Variants in WWOX observed in about 807,000 individuals in gnomAD.
The protein encoded by WWOX is WW domain containing oxidoreductase, also known as WW domain-containing oxidoreductase.
WWOX carries 69 observed loss-of-function variants against 46.2 expected under a neutral mutation model. The observed-to-expected ratio is 1.49, with a 90% CI of 1.23 to 1.82. The LOEUF (loss-of-function observed/expected upper bound fraction) is 1.82. WWOX is among the 40% of genes most tolerant of loss of function. The pLI is 0.00. For synonymous variants in WWOX, 359 were observed against 202.6 expected (o/e 1.77, Z -6.56); for missense variants, 919 against 542.6 (o/e 1.69, Z -6.89).
intron 8 of WWOX, among the ~76,000 whole-genome samples, chr16:78,798,610 G>A (rs1375569461): frequency 7.2e-6 from 1 of 139,772 alleles, no homozygotes; most frequent in Non-Finnish European, 1.5e-5. Context: ...TTTTTTTTAA[G>A]AGATTTACAG....
intron 8 of WWOX, among the ~76,000 whole-genome samples, chr16:78,745,522 C>CTTTTTTTTTTTTTT (rs5818168): frequency 1.5e-3 from 139 of 92,724 alleles, no homozygotes; most frequent in African/African-American, 3.1e-3. Flanking sequence ...TGTGGAAATC[C>CTTTTTTTTTTTTTT]TTTTTTTTTT....
At chr16:78,807,137 G>A (rs1032801933) in intron 8 of WWOX, among the ~76,000 whole-genome samples, 1 of 152,284 alleles carries the variant, frequency 6.6e-6, no homozygotes, top group South Asian at 2.1e-4. Flanking sequence ...TATTGAATTG[G>A]AATCTGCACA....
At chr16:78,570,951 A>G (rs2044701437) in intron 8 of WWOX, among the ~76,000 whole-genome samples, 1 of 152,166 alleles carries the variant, frequency 6.6e-6, no homozygotes, top group African/African-American at 2.4e-5. Context: ...GAAGGAACAG[A>G]AAGTGAAACG....
At chr16:79,188,811 C>T (rs1030351243) in intron 8 of WWOX, among the ~76,000 whole-genome samples, 1 of 152,178 alleles carries the variant, frequency 6.6e-6, no homozygotes, top group Non-Finnish European at 1.5e-5. Flanking sequence ...GTTTGCTTTT[C>T]CTGGGGCTGC....
chr16:78,592,612 G>A (rs1289579785), intron 8 of WWOX, among the ~76,000 whole-genome samples: 1 of 152,188 alleles, frequency 6.6e-6, no homozygotes, highest in Non-Finnish European at 1.5e-5. Context: ...TAGAGCCAGA[G>A]CTGGAAGACA....
At chr16:78,732,284 C>G (rs1186582362) in intron 8 of WWOX, among the ~76,000 whole-genome samples, 3 of 152,142 alleles carry the variant, frequency 2.0e-5, no homozygotes, top group South Asian at 4.1e-4. Flanking sequence ...GGTTGTGTCT[C>G]TCACTCATGG....
intron 8 of WWOX, among the ~76,000 whole-genome samples, chr16:78,469,151 G>T (rs78663202): frequency 0.019 from 2,856 of 152,274 alleles, 86 homozygotes; most frequent in African/African-American, 0.066. Flanking sequence ...GTTTGAAGTT[G>T]CAAGAAGTCA....
At chr16:78,699,910 C>T (rs2048176727) in intron 8 of WWOX, among the ~76,000 whole-genome samples, 1 of 152,142 alleles carries the variant, frequency 6.6e-6, no homozygotes, top group South Asian at 2.1e-4. Flanking sequence ...TGTCCCGTCC[C>T]TATGAGGGGG....
At chr16:78,868,684 G>A in intron 8 of WWOX, among the ~76,000 whole-genome samples, 1 of 152,256 alleles carries the variant, frequency 6.6e-6, no homozygotes, top group East Asian at 1.9e-4. Flanking sequence ...GTCACTCTGA[G>A]ATTGAAGAGA....
intron 8 of WWOX, among the ~76,000 whole-genome samples, chr16:78,937,801 C>G (rs2045772678): frequency 6.6e-6 from 1 of 151,100 alleles, no homozygotes; most frequent in Non-Finnish European, 1.5e-5. Context: ...ACTTTTGTTT[C>G]TTTTTAAATA....
At chr16:78,789,272 T>C (rs1339466543) in intron 8 of WWOX, among the ~76,000 whole-genome samples, 3 of 152,240 alleles carry the variant, frequency 2.0e-5, no homozygotes, top group African/African-American at 7.2e-5. Flanking sequence ...CAGACTTTTA[T>C]AGTTTTAGCA....
Position 78,356,068 on chromosome 16 carries a change from T to C in WWOX, c.517-30792T>C, listed in dbSNP as rs531350744. ...AAATATGACCACCAAGATTTTTTTT[T>C]CCTAAAAAAAAAAAAAAAAAAAAAA... On this transcript the variant is annotated intron_variant, in intron 5 of 8. Transcript: ENST00000566780. Among the ~76,000 whole-genome samples the C allele has an allele frequency of 5.5e-3, 115 of 20,724 alleles. 2 individuals carry two copies. The South Asian group carries it at 0.098, about 18-fold the overall frequency. 13.6% of individuals were successfully genotyped at this position (20,724 alleles called of 152,430 possible). A position where few individuals can be genotyped will look rare whatever the true frequency, so the allele number is the denominator to read the frequency against.
At chr16:79,003,392 A>T (rs1326207028) in intron 8 of WWOX, among the ~76,000 whole-genome samples, 1 of 152,224 alleles carries the variant, frequency 6.6e-6, no homozygotes, top group Non-Finnish European at 1.5e-5. Flanking sequence ...TCATCCTCCC[A>T]TTATCACCGT....
At chr16:78,684,414 T>C (rs2047807737) in intron 8 of WWOX, among the ~76,000 whole-genome samples, 1 of 152,110 alleles carries the variant, frequency 6.6e-6, no homozygotes, top group South Asian at 2.1e-4. Context: ...GGTTTTGCAG[T>C]TTAGGGCCAA....
At chr16:79,150,967 T>C (rs2050267550) in intron 8 of WWOX, among the ~76,000 whole-genome samples, 1 of 152,228 alleles carries the variant, frequency 6.6e-6, no homozygotes, top group Non-Finnish European at 1.5e-5. Context: ...CTAGGCTCTT[T>C]TCATTTCTCC....
chr16:79,168,099 G>GAT (rs1406897392), intron 8 of WWOX, among the ~76,000 whole-genome samples: 3 of 152,136 alleles, frequency 2.0e-5, no homozygotes, highest in African/African-American at 7.2e-5. Flanking sequence ...CCACTGCATG[G>GAT]ATATACCACA....
chr16:78,723,567 CTT>C (rs1206691099), intron 8 of WWOX, among the ~76,000 whole-genome samples: 2 of 28,340 alleles, frequency 7.1e-5, no homozygotes, highest in East Asian at 7.5e-4. Context: ...CTTTTCTTTT[CTT>C]TTCTTTTCTT....
intron 5 of WWOX, among the ~76,000 whole-genome samples, chr16:78,351,029 T>C (rs990808673): frequency 3.9e-5 from 6 of 152,264 alleles, no homozygotes; most frequent in Admixed American, 1.3e-4. Flanking sequence ...GATTTTGATT[T>C]GGATTTTCTT....
chr16:78,575,379 C>T (rs950649852), intron 8 of WWOX, among the ~76,000 whole-genome samples: 5 of 151,622 alleles, frequency 3.3e-5, no homozygotes, highest in Non-Finnish European at 5.9e-5. Context: ...ATAGCCCTAT[C>T]TCCAGGTTGT....
Sources: gnomAD v4.1 joint callset for allele counts (sites outside exome capture counted in the v4.1 genomes callset) on GRCh38, gnomAD v4.1.1 for gene constraint, MANE v1.5 for transcripts, NCBI Gene and HGNC (gene_info 2026-07-23, HGNC 2026-07-21) for gene names.